SYNE2: variants seen among roughly 807,000 people sequenced by gnomAD.
SYNE2 encodes the protein nesprin-2.
In SYNE2, 431 loss-of-function variants were observed where a neutral mutation model predicts 856.3. The observed-to-expected ratio is 0.50, with a 90% CI of 0.47 to 0.55. The LOEUF is 0.55. SYNE2 is among the 20% of genes least tolerant of loss of function. SYNE2 has a pLI of 0.00. For synonymous variants in SYNE2, 2,923 were observed against 2,872.3 expected (o/e 1.02, Z -0.56); for missense variants, 8,129 against 8,023.2 (o/e 1.01, Z -0.50).
chr14:64,172,528 G>A (rs558420850), intron 94 of SYNE2, among the ~76,000 whole-genome samples: 50 of 152,226 alleles, frequency 3.3e-4, no homozygotes, highest in African/African-American at 1.2e-3. Flanking sequence ...TTCTTATCCC[G>A]AGAACAAGCT....
intron 94 of SYNE2, among the ~76,000 whole-genome samples, chr14:64,173,149 G>C (rs1440758738): frequency 1.3e-5 from 2 of 152,170 alleles, no homozygotes; most frequent in African/African-American, 4.8e-5. Flanking sequence ...CAGTGCGTTA[G>C]GGTAGAGAGA....
intron 96 of SYNE2, among the ~76,000 whole-genome samples, chr14:64,184,370 A>ATG (rs1449914191): frequency 2.3e-3 from 267 of 114,974 alleles, no homozygotes; most frequent in African/African-American, 8.3e-3. Flanking sequence ...GTGTATGTGT[A>ATG]TGAACATGGT....
rs76508129 is a variant in SYNE2 at position 63,976,686 on chromosome 14, C to G, written c.1252C>G (p.Gln418Glu). 7.4e-6 allele frequency: 12 copies of G among 1,612,814 alleles called. No individual in the cohort carries two copies. The highest frequency in any genetic ancestry group is 5.4e-5 in the African/African-American group (4 of 74,512). The change falls in exon 12 of 116, where the codon CAA becomes GAA. Residue 418 changes from glutamine to glutamate, a missense_variant. Coordinates refer to ENST00000555002, the MANE Select transcript of SYNE2 (RefSeq NM_182914.3). ...EDLSASQDHS[Q>E]AVTLIQEKMT... The stretch of plus-strand genomic sequence containing the variant: ...TTTGTCAGCCTCCCAGGATCACTCT[C>G]AAGCCGTGACTCTGATACAAGAGAA...
chr14:64,186,717 CT>C, intron 97 of SYNE2, 138 bp downstream of exon 97: 1 of 1,089,234 alleles, frequency 9.2e-7, no homozygotes, highest in Non-Finnish European at 1.4e-6. Context: ...GCCGCTGCTC[CT>C]TTAGAAGGCA....
At chr14:63,879,735 C>T (rs901873787) in intron 1 of SYNE2, among the ~76,000 whole-genome samples, 1 of 152,184 alleles carries the variant, frequency 6.6e-6, no homozygotes, top group Non-Finnish European at 1.5e-5. Context: ...AGTATTTTTG[C>T]GTTTTCCCTT....
In SYNE2 at chr14:64,170,462, G is replaced by A; in HGVS notation, c.17235G>A (p.Lys5745=). 6.2e-7 allele frequency: 1 copy of A among 1,607,768 alleles called. No individual in the cohort carries two copies. The highest frequency in any genetic ancestry group is 8.5e-7 in the Non-Finnish European group (1 of 1,176,760). Residue 5745 remains lysine, a splice_region_variant and synonymous_variant, in exon 94 of 116, where the codon AAG becomes AAA. Coordinates refer to ENST00000555002, the MANE Select transcript of SYNE2 (RefSeq NM_182914.3). ...CCAGAAGTCTGATCCATGAGCTGAA[G>A]GTAGTGTATGCATCGTAGCAGTGTG... The part of the protein sequence containing the change: ...YQTRSLIHEL[K]NKEIHFQRRR...
At chr14:63,762,216 T>C (rs989479702) in intron 1 of SYNE2, 8 of 226,598 alleles carry the variant, frequency 3.5e-5, no homozygotes, top group Non-Finnish European at 6.5e-5. Context: ...GCGAATCACC[T>C]GAGGTTGGGA....
chr14:64,223,403 A>C (rs1371063200), intron 113 of SYNE2, 23 bp downstream of exon 113: 1 of 1,612,628 alleles, frequency 6.2e-7, no homozygotes, highest in South Asian at 1.1e-5. Flanking sequence ...GTAGCTTTTA[A>C]CTGTAAAGAT....
At chr14:63,846,974 A>G (rs1890246025) in intron 1 of SYNE2, among the ~76,000 whole-genome samples, 1 of 150,908 alleles carries the variant, frequency 6.6e-6, no homozygotes, top group African/African-American at 2.4e-5. Flanking sequence ...GTTTTATTAT[A>G]TTGTTTATTT....
At chr14:64,040,158 T>A (rs1410038359) in intron 45 of SYNE2, among the ~76,000 whole-genome samples, 1 of 151,898 alleles carries the variant, frequency 6.6e-6, no homozygotes, top group African/African-American at 2.4e-5. Context: ...ACAAGTAGGT[T>A]AAAAAAAGTA....
intron 54 of SYNE2, among the ~76,000 whole-genome samples, chr14:64,076,547 G>A (rs1400270421): frequency 6.6e-6 from 1 of 152,086 alleles, no homozygotes; most frequent in Non-Finnish European, 1.5e-5. Flanking sequence ...GTCTAACGAT[G>A]ATGTTAACAG....
At chr14:63,919,746 C>G (rs1308748140) in intron 2 of SYNE2, among the ~76,000 whole-genome samples, 2 of 152,240 alleles carry the variant, frequency 1.3e-5, no homozygotes, top group African/African-American at 4.8e-5. Flanking sequence ...AAATGCCACA[C>G]AGCAGTCAAG....
chr14:64,142,563 C>A (rs1261235218), intron 82 of SYNE2, among the ~76,000 whole-genome samples: 1 of 152,166 alleles, frequency 6.6e-6, no homozygotes, highest in Non-Finnish European at 1.5e-5. Context: ...CCCAGCCAGA[C>A]TAGGTGACTT....
At chr14:63,988,788 A>G (rs902150378) in intron 19 of SYNE2, among the ~76,000 whole-genome samples, 2 of 151,294 alleles carry the variant, frequency 1.3e-5, no homozygotes, top group African/African-American at 4.9e-5. Context: ...GTGCAGGGAA[A>G]CTCCCCTTTA....
intron 1 of SYNE2, among the ~76,000 whole-genome samples, chr14:63,871,406 C>G (rs1209459561): frequency 1.3e-5 from 2 of 151,878 alleles, no homozygotes; most frequent in East Asian, 1.9e-4. Flanking sequence ...CGGGGTTTCT[C>G]CATGTTGGTC....
At position 64,145,107 on chromosome 14, in the gene SYNE2, A is replaced by T. The variant is rs547930388; in HGVS notation, c.15484-961A>T. On this transcript the variant is annotated intron_variant, in intron 83 of 115. Transcript: ENST00000555002. ...ACGCCTAGCTAATTTTTGTATTTTT[A>T]GTAGAGTCAGGGTTTCACCATGTTG... 2.0e-5 allele frequency among the ~76,000 whole-genome samples: 3 copies of T among 151,788 alleles called. No homozygotes were observed. In the South Asian group the frequency reaches 6.3e-4, roughly 32 times the overall value.
intron 49 of SYNE2, among the ~76,000 whole-genome samples, chr14:64,060,943 G>A (rs1349352567): frequency 1.3e-5 from 2 of 152,042 alleles, no homozygotes; most frequent in Non-Finnish European, 2.9e-5. Context: ...CAGTTGCTGC[G>A]CTTTCCCTCC....
At chr14:63,929,968 G>A (rs1313177680) in intron 2 of SYNE2, among the ~76,000 whole-genome samples, 2 of 152,076 alleles carry the variant, frequency 1.3e-5, no homozygotes, top group Admixed American at 1.3e-4. Flanking sequence ...TATGGGCCAT[G>A]ATTATGGTTT....
rs118059639 is a variant in SYNE2, at chr14:64,224,448, G to A, written c.20383-13G>A. 1.2e-3 allele frequency: 1,897 copies of A among 1,602,014 alleles called. 8 individuals are homozygous for A. The highest frequency in any genetic ancestry group is 1.5e-3 in the Non-Finnish European group (1,718 of 1,172,286). ...CACATTTCTGTGCTCAACCTTTGGG[G>A]TCTGAATTTCAGAACCCAGCCTCAC... On this transcript the variant is annotated splice_polypyrimidine_tract_variant and intron_variant, in intron 113 of 115. Transcript: ENST00000555002.
Sources: allele counts gnomAD v4.1 joint callset (sites outside exome capture counted in the v4.1 genomes callset), GRCh38; gene constraint gnomAD v4.1.1; transcripts MANE v1.5; gene names NCBI Gene and HGNC (gene_info 2026-07-23, HGNC 2026-07-21).